Variants in GFOD1 observed in about 807,000 individuals in gnomAD.
GFOD1 encodes glucose-fructose oxidoreductase domain-containing protein 1.
GFOD1 carries 9 observed loss-of-function variants against 25.4 expected under a neutral mutation model. The ratio of observed to expected loss-of-function variants is 0.35; its 90% confidence interval spans 0.21 to 0.62. The LOEUF (loss-of-function observed/expected upper bound fraction) is 0.62, where lower values mean the gene tolerates loss of function less well. GFOD1 is among the 20% of genes least tolerant of loss of function. GFOD1 has a pLI of 0.72. For synonymous variants in GFOD1, 253 were observed against 245.6 expected (o/e 1.03, Z -0.28); for missense variants, 403 against 556.9 (o/e 0.72, Z 2.78).
intron 1 of GFOD1, among the ~76,000 whole-genome samples, chr6:13,419,695 C>A (rs567576099): frequency 2.0e-5 from 3 of 152,192 alleles, no homozygotes; most frequent in African/African-American, 7.2e-5. Flanking sequence ...TTCTCCCCCT[C>A]GCTTGTTTCT....
In GFOD1 at chr6:13,365,795, AGCACTTTGGGAGGCCAAGGCCG is replaced by A. The variant is rs1480077149; in HGVS notation, c.254-155_254-134del. ...TGTGGTGGCTCATGCCTGTTGTCCC[AGCACTTTGGGAGGCCAAGGCCG>A]GAGGAGGCCTTGAGCCCAGGAGTTG... On this transcript the variant is annotated intron_variant, in intron 1 of 1. Transcript: ENST00000379287. The surrounding 1 kb of genome is among the most constrained non-coding windows in gnomAD (Gnocchi z 9.2). The A allele has an allele frequency of 5.3e-6, 4 of 760,634 alleles. No individual in the cohort carries two copies. The African/African-American group carries it at 7.1e-5, about 13-fold the overall frequency. 47.1% of individuals were successfully genotyped at this position (760,634 alleles called of 1,614,324 possible). A position where few individuals can be genotyped will look rare whatever the true frequency, so the allele number is the denominator to read the frequency against.
At chr6:13,369,236 T>C (rs149749773) in intron 1 of GFOD1, among the ~76,000 whole-genome samples, 1 of 152,366 alleles carries the variant, frequency 6.6e-6, no homozygotes, top group East Asian at 1.9e-4. Flanking sequence ...GCAACATTCA[T>C]GCTTTACAGA....
chr6:13,402,668 CAG>C (rs1785869853), intron 1 of GFOD1, among the ~76,000 whole-genome samples: 2 of 152,076 alleles, frequency 1.3e-5, no homozygotes, highest in Non-Finnish European at 2.9e-5. Flanking sequence ...ATAAAAAAGA[CAG>C]AAAATAACAA....
intron 1 of GFOD1, among the ~76,000 whole-genome samples, chr6:13,443,816 TA>T (rs34976657): frequency 0.045 from 5,053 of 112,034 alleles, 95 homozygotes; most frequent in Middle Eastern, 0.13. Context: ...GACTCAGTCT[TA>T]AAAAAAAAAA....
At chr6:13,386,052 G>T (rs890117695) in intron 1 of GFOD1, among the ~76,000 whole-genome samples, 1 of 135,760 alleles carries the variant, frequency 7.4e-6, no homozygotes. Context: ...AGGGAGTTTG[G>T]GTAATTCCTT....
rs755625548 is a variant in GFOD1 at position 13,382,351 on chromosome 6, G to C, written c.254-16689C>G. 4.6e-5 allele frequency among the ~76,000 whole-genome samples: 7 copies of C among 151,706 alleles called. No individual in the cohort carries two copies. The East Asian group carries it at 5.8e-4, about 13-fold the overall frequency. On this transcript the variant is annotated intron_variant, in intron 1 of 1. Coordinates refer to ENST00000379287, the MANE Select transcript of GFOD1 (RefSeq NM_018988.4). The stretch of plus-strand genomic sequence containing the variant: ...CAGTGGGAGGTAATTGAATCATGGG[G>C]GGGGGGGTTCTTTTCCATGCTGTTC...
At chr6:13,425,717 A>T (rs889149358) in intron 1 of GFOD1, among the ~76,000 whole-genome samples, 21 of 152,268 alleles carry the variant, frequency 1.4e-4, no homozygotes, top group African/African-American at 5.1e-4. Flanking sequence ...AATAGTCTCC[A>T]TCCGGCTCTG....
rs183613630 is a variant in GFOD1, at chr6:13,405,615, G to T, written c.254-39953C>A. ...GAAGATGTGAGGTTACATAGGAAAA[G>T]AACCTCTACATTAGAAAATATGTAA... On this transcript the variant is annotated intron_variant, in intron 1 of 1. Transcript: ENST00000379287. Among the ~76,000 whole-genome samples the T allele has an allele frequency of 9.1e-4, 139 of 152,288 alleles. 1 individual carries two copies. The highest frequency in any genetic ancestry group is 1.1e-3 in the Admixed American group (17 of 15,298).
chr6:13,420,296 G>A (rs1195378387), intron 1 of GFOD1, among the ~76,000 whole-genome samples: 1 of 152,204 alleles, frequency 6.6e-6, no homozygotes, highest in African/African-American at 2.4e-5. Context: ...CAAGCCTCAG[G>A]ACACAACACA....
At position 13,365,530 on chromosome 6, in the gene GFOD1, A is replaced by T; in HGVS notation, c.386T>A (p.Val129Glu). The T allele has an allele frequency of 6.2e-7, 1 of 1,612,584 alleles. No homozygotes were observed. The highest frequency in any genetic ancestry group is 1.1e-5 in the South Asian group (1 of 91,080). Residue 129 changes from valine (V) to glutamate (E), a missense_variant, in exon 2 of 2, where the codon GTG becomes GAG. Transcript: ENST00000379287. The surrounding 1 kb of genome is among the most constrained non-coding windows in gnomAD (Gnocchi z 9.2). ...CTCCTCGATCAGCTGCTTCATGCGC[A>T]CGAAAGCCGGCAGGAAGCGCAGCAC... The part of the protein sequence containing the change: ...GNVLRFLPAF[V>E]RMKQLIEEGY...
intron 1 of GFOD1, among the ~76,000 whole-genome samples, chr6:13,476,637 C>A (rs980368358): frequency 1.3e-5 from 2 of 152,130 alleles, no homozygotes; most frequent in African/African-American, 4.8e-5. Flanking sequence ...AAACTGCAAA[C>A]CAACTTCATT....
In GFOD1 at chr6:13,487,142, G is replaced by C; in HGVS notation, c.-252C>G. ...GGGGCTCGCGTCCTTCCCGGAGTCG[G>C]CGGCAGGGACCCCCCCAGGGCGCCG... On this transcript the variant is annotated 5_prime_UTR_variant, in exon 1 of 2. Transcript: ENST00000379287. This position sits in a 1 kb window ranked among gnomAD's most constrained non-coding sequence, Gnocchi z 4.9. The C allele has an allele frequency of 1.1e-5, 5 of 460,330 alleles. No homozygotes were observed. Among genetic ancestry groups the C allele is most frequent in the Non-Finnish European group, 1.9e-5 (5 of 264,228 alleles). 28.5% of individuals were successfully genotyped at this position (460,330 alleles called of 1,614,324 possible). A position where few individuals can be genotyped will look rare whatever the true frequency, so the allele number is the denominator to read the frequency against.
intron 1 of GFOD1, among the ~76,000 whole-genome samples, chr6:13,425,274 C>T (rs1786332324): frequency 6.6e-6 from 1 of 152,146 alleles, no homozygotes; most frequent in African/African-American, 2.4e-5. Flanking sequence ...ACATTTATTT[C>T]TTACCACAAC....
At chr6:13,433,259 A>C (rs1260721795) in intron 1 of GFOD1, among the ~76,000 whole-genome samples, 1 of 151,920 alleles carries the variant, frequency 6.6e-6, no homozygotes, top group Non-Finnish European at 1.5e-5. Flanking sequence ...AGCTGGGATT[A>C]CATGCACCTG....
chr6:13,435,743 C>A (rs989799310), intron 1 of GFOD1, among the ~76,000 whole-genome samples: 1 of 152,182 alleles, frequency 6.6e-6, no homozygotes, highest in Non-Finnish European at 1.5e-5. Flanking sequence ...CCCTAAGTAA[C>A]AGGCTAGCTG....
chr6:13,381,915 G>GCGCACACACACACA (rs748305101), intron 1 of GFOD1, among the ~76,000 whole-genome samples: 3 of 140,142 alleles, frequency 2.1e-5, no homozygotes, highest in East Asian at 2.1e-4. Context: ...ACGCGCGCGC[G>GCGCACACACACACA]CACACACACA....
At chr6:13,447,073 G>A (rs9463785) in intron 1 of GFOD1, among the ~76,000 whole-genome samples, 4,137 of 152,288 alleles carry the variant, frequency 0.027, 214 homozygotes, top group African/African-American at 0.094. Flanking sequence ...ACAGAAGATC[G>A]GTGTCAGAAG....
intron 1 of GFOD1, among the ~76,000 whole-genome samples, chr6:13,464,614 A>C (rs1339990999): frequency 6.6e-6 from 1 of 152,198 alleles, no homozygotes; most frequent in African/African-American, 2.4e-5. Flanking sequence ...CTGTGAAAGT[A>C]TTTTTTAAAT....
intron 1 of GFOD1, among the ~76,000 whole-genome samples, chr6:13,422,263 C>T (rs1786273021): frequency 1.3e-5 from 2 of 152,140 alleles, no homozygotes; most frequent in Admixed American, 6.5e-5. Context: ...GCAAAAACCC[C>T]AAGTGGAGTA....
Sources: allele counts gnomAD v4.1 joint callset (sites outside exome capture counted in the v4.1 genomes callset), GRCh38; gene constraint gnomAD v4.1.1; non-coding constraint Gnocchi (gnomAD v3.1); transcripts MANE v1.5; gene names NCBI Gene and HGNC (gene_info 2026-07-23, HGNC 2026-07-21).